The following ZFHX3 variants were observed in gnomAD, a reference collection of about 807,000 sequenced individuals.
ZFHX3 encodes zinc finger homeobox protein 3.
Under a neutral mutation model 279.1 loss-of-function variants are expected in ZFHX3, and 42 were observed. The observed-to-expected ratio is 0.15, with a 90% CI of 0.12 to 0.19. The LOEUF is 0.19. Among genes scored for constraint, ZFHX3 ranks in the 10% least tolerant of loss-of-function variants. The pLI, the probability that ZFHX3 is intolerant of heterozygous loss-of-function variation, is 1.00. For missense variants in ZFHX3, 4,981 were observed against 4,754.0 expected (o/e 1.05, Z -1.40); for synonymous variants, 2,293 against 1,957.8 (o/e 1.17, Z -4.52).
intron 5 of ZFHX3, among the ~76,000 whole-genome samples, chr16:72,824,313 A>T (rs189848080): frequency 3.3e-4 from 51 of 152,294 alleles, no homozygotes; most frequent in African/African-American, 1.2e-3. Flanking sequence ...ACTTCCTTTA[A>T]TAGCAATCTT....
At chr16:73,122,581 G>A (rs1056265968) in intron 7 of ZFHX3, among the ~76,000 whole-genome samples, 8 of 152,110 alleles carry the variant, frequency 5.3e-5, no homozygotes, top group African/African-American at 1.9e-4. Flanking sequence ...TGTGTCTCTA[G>A]GCCACCACGG....
intron 2 of ZFHX3, among the ~76,000 whole-genome samples, chr16:73,676,431 T>C (rs1052450114): frequency 6.6e-6 from 1 of 151,806 alleles, no homozygotes; most frequent in Non-Finnish European, 1.5e-5. Context: ...AATTTGACAG[T>C]TGGAGATATA....
At chr16:72,834,394 A>C (rs1314088628) in intron 4 of ZFHX3, among the ~76,000 whole-genome samples, 2 of 152,266 alleles carry the variant, frequency 1.3e-5, no homozygotes, top group Non-Finnish European at 2.9e-5. Flanking sequence ...CTGAAGTGCA[A>C]GAATTCCAGC....
chr16:73,552,860 T>G (rs1407847133), intron 2 of ZFHX3, among the ~76,000 whole-genome samples: 2 of 152,236 alleles, frequency 1.3e-5, no homozygotes, highest in African/African-American at 4.8e-5. Context: ...AACATACCAG[T>G]TAACACGCAA....
At chr16:73,505,983 G>A (rs2019319536) in intron 2 of ZFHX3, among the ~76,000 whole-genome samples, 1 of 152,248 alleles carries the variant, frequency 6.6e-6, no homozygotes, top group Admixed American at 6.5e-5. Flanking sequence ...GTTGAACAGT[G>A]GGTTTGGGAT....
chr16:72,901,702 A>C (rs1209961653), intron 3 of ZFHX3, among the ~76,000 whole-genome samples: 2 of 152,232 alleles, frequency 1.3e-5, no homozygotes, highest in African/African-American at 4.8e-5. Context: ...CAAGGGACCA[A>C]CAGTGAAATG....
rs762453661 is a variant in ZFHX3 at position 72,957,678 on chromosome 16, A to G, written c.2468T>C (p.Met823Thr). 6.2e-7 allele frequency: 1 copy of G among 1,614,172 alleles called. No homozygotes were observed. Among genetic ancestry groups the G allele is most frequent in the Non-Finnish European group, 8.5e-7 (1 of 1,180,044 alleles). ...GTTATGCATGTGCTTCTCACTGGTC[A>G]TGTGAATGCGGAGGTTCCTGGCCAC... ...TNVARNLRIH[M>T]TSEKHMHNMM... is the part of the protein sequence containing the mutation. Residue 823 changes from methionine (M) to threonine (T), a missense_variant, in exon 2 of 10, where the codon ATG becomes ACG. This residue lies in a region of ZFHX3 where 1,751 missense variants were observed against 1,770.0 expected (regional missense o/e 0.99). Coordinates refer to ENST00000268489, the MANE Select transcript of ZFHX3 (RefSeq NM_006885.4).
rs1179003246 is a variant in ZFHX3 at position 72,794,579 on chromosome 16, G to A, written c.8103C>T (p.Phe2701=). The A allele has an allele frequency of 1.2e-6, 2 of 1,614,222 alleles. No homozygotes were observed. Among genetic ancestry groups the A allele is most frequent in the South Asian group, 2.2e-5 (2 of 91,088 alleles). Residue 2701 remains phenylalanine, a synonymous_variant, in exon 9 of 10, where the codon TTC becomes TTT. Transcript: ENST00000268489. The surrounding 1 kb of genome is among the most constrained non-coding windows in gnomAD (Gnocchi z 4.2). ...NTRARERKGQ[F]RAVGPAQAHR... ...GGGCCTGCGCTGGGCCTACAGCCCG[G>A]AACTGTCCTTTCCTTTCCCGAGCTC... is the stretch of plus-strand genomic sequence containing the variant.
intron 2 of ZFHX3, among the ~76,000 whole-genome samples, chr16:73,556,880 G>A (rs1239964480): frequency 6.6e-6 from 1 of 151,850 alleles, no homozygotes; most frequent in African/African-American, 2.4e-5. Context: ...CAGATCACGA[G>A]GTCAAGGGAT....
intron 1 of ZFHX3, among the ~76,000 whole-genome samples, chr16:73,711,148 G>C (rs1385566486): frequency 2.0e-5 from 3 of 152,052 alleles, no homozygotes; most frequent in East Asian, 1.9e-4. Context: ...GGGTTTAACT[G>C]TATCCATTCC....
chr16:72,963,863 G>A (rs527982604), intron 1 of ZFHX3, among the ~76,000 whole-genome samples: 1 of 152,250 alleles, frequency 6.6e-6, no homozygotes, highest in African/African-American at 2.4e-5. Context: ...ATGAACAGTC[G>A]CACTGTGTAA....
intron 3 of ZFHX3, among the ~76,000 whole-genome samples, chr16:72,946,509 T>G (rs1004584372): frequency 1.3e-5 from 2 of 152,134 alleles, no homozygotes; most frequent in African/African-American, 4.8e-5. Context: ...AACATCAAAG[T>G]GAAAAACAGA....
At chr16:73,812,063 G>A (rs1377975843) in intron 1 of ZFHX3, among the ~76,000 whole-genome samples, 3 of 152,192 alleles carry the variant, frequency 2.0e-5, no homozygotes, top group Non-Finnish European at 2.9e-5. Flanking sequence ...GAATAGTAGG[G>A]TCTAGAATTC....
At chr16:73,341,523 C>T (rs368513333) in intron 3 of ZFHX3, among the ~76,000 whole-genome samples, 23 of 152,238 alleles carry the variant, frequency 1.5e-4, no homozygotes, top group African/African-American at 5.1e-4. Context: ...GTTCCTCAAA[C>T]GATTACTCAC....
intron 1 of ZFHX3, among the ~76,000 whole-genome samples, chr16:72,989,104 T>C (rs1334173504): frequency 1.3e-5 from 2 of 151,802 alleles, no homozygotes; most frequent in African/African-American, 2.4e-5. Context: ...GCCCAGAAGT[T>C]TGAGGCTGCG....
At chr16:73,032,538 ACTT>A (rs1362463305) in intron 1 of ZFHX3, among the ~76,000 whole-genome samples, 1 of 152,098 alleles carries the variant, frequency 6.6e-6, no homozygotes, top group Non-Finnish European at 1.5e-5. Context: ...AACCTAGAAA[ACTT>A]CTCTTCGTCC....
chr16:73,061,529 G>T (rs1419814061), upstream of ZFHX3: 2 of 93,884 alleles, frequency 2.1e-5, no homozygotes, highest in Non-Finnish European at 4.9e-5. Flanking sequence ...TTTTTCAATG[G>T]CAACAGTTAA....
chr16:73,549,421 A>C (rs2020171009), intron 2 of ZFHX3, among the ~76,000 whole-genome samples: 1 of 152,108 alleles, frequency 6.6e-6, no homozygotes, highest in Non-Finnish European at 1.5e-5. Flanking sequence ...TCAGGAAGAA[A>C]ACGGCAGTCA....
chr16:73,728,404 A>T (rs1269107163), intron 1 of ZFHX3, among the ~76,000 whole-genome samples: 2 of 152,190 alleles, frequency 1.3e-5, no homozygotes, highest in Non-Finnish European at 2.9e-5. Context: ...ATATAATCGC[A>T]ATTGCCACAT....
Sources: allele counts gnomAD v4.1 joint callset (sites outside exome capture counted in the v4.1 genomes callset), GRCh38; gene constraint gnomAD v4.1.1; regional missense constraint gnomAD v4.1.1; non-coding constraint Gnocchi (gnomAD v3.1); transcripts MANE v1.5; gene names NCBI Gene and HGNC (gene_info 2026-07-23, HGNC 2026-07-21).